NBEA: variants seen among roughly 807,000 people sequenced by gnomAD.
NBEA encodes neurobeachin, also known as lysosomal-trafficking regulator 2.
NBEA carries 44 observed loss-of-function variants against 343.4 expected under a neutral mutation model. That is an observed-to-expected ratio of 0.13 (90% confidence interval 0.10 to 0.16). The LOEUF is 0.16. Among genes scored for constraint, NBEA ranks in the 10% least tolerant of loss-of-function variants. NBEA has a pLI of 1.00. For missense variants in NBEA, 2,555 were observed against 3,631.3 expected (o/e 0.70, Z 7.62); for synonymous variants, 1,175 against 1,238.7 (o/e 0.95, Z 1.08).
chr13:35,184,106 A>T lies in NBEA; in HGVS notation c.4927+35A>T. The T allele has an allele frequency of 2.1e-6, 3 of 1,444,692 alleles. No individual in the cohort carries two copies. In the South Asian group the frequency reaches 3.6e-5, roughly 17 times the overall value. 89.5% of individuals were successfully genotyped at this position (1,444,692 alleles called of 1,614,324 possible). On this transcript the variant is annotated intron_variant, in intron 30 of 58. Transcript: ENST00000379939. ...ACCTCATCTCCTGACCTGTTTGGGTATTCTTATTTCATGAATTGTTTTAAA... is the reference window on the plus strand; with the variant it reads ...ACCTCATCTCCTGACCTGTTTGGGTTTTCTTATTTCATGAATTGTTTTAAA...
chr13:34,991,618 G>A (rs2060751709), intron 1 of NBEA, among the ~76,000 whole-genome samples: 1 of 152,060 alleles, frequency 6.6e-6, no homozygotes, highest in Non-Finnish European at 1.5e-5. Context: ...TTTAGGTGGG[G>A]ACACAGAGAC....
intron 11 of NBEA, among the ~76,000 whole-genome samples, chr13:35,107,287 T>C (rs1236727849): frequency 1.3e-5 from 2 of 151,844 alleles, no homozygotes. Flanking sequence ...CCCCCCCCTT[T>C]ATTAACTCAG....
intron 41 of NBEA, among the ~76,000 whole-genome samples, chr13:35,500,003 C>G (rs1005017074): frequency 6.6e-6 from 1 of 152,088 alleles, no homozygotes; most frequent in Non-Finnish European, 1.5e-5. Flanking sequence ...TACAGCTGCT[C>G]TTCTGCTTTA....
intron 17 of NBEA, among the ~76,000 whole-genome samples, chr13:35,137,505 T>A (rs1010675892): frequency 4.1e-4 from 62 of 151,932 alleles, no homozygotes; most frequent in Non-Finnish European, 6.3e-4. Flanking sequence ...GTTTTAAAAA[T>A]TTTTTTATTG....
intron 38 of NBEA, among the ~76,000 whole-genome samples, chr13:35,377,423 G>A (rs2041803556): frequency 6.6e-6 from 1 of 152,168 alleles, no homozygotes; most frequent in African/African-American, 2.4e-5. Flanking sequence ...TTGGAGATTA[G>A]GGTCTGATGG....
chr13:35,282,865 G>A (rs911541112), intron 34 of NBEA, among the ~76,000 whole-genome samples: 2 of 152,038 alleles, frequency 1.3e-5, no homozygotes, highest in East Asian at 1.9e-4. Context: ...CCTTGAGACC[G>A]AAGACTGTAT....
intron 49 of NBEA, among the ~76,000 whole-genome samples, chr13:35,645,602 G>T (rs570080380): frequency 7.2e-5 from 11 of 151,906 alleles, no homozygotes; most frequent in African/African-American, 2.4e-4. Flanking sequence ...TTTCTTTTTT[G>T]GGTGAGTTCT....
chr13:35,597,122 A>G (rs958215864), intron 47 of NBEA, among the ~76,000 whole-genome samples: 1 of 152,170 alleles, frequency 6.6e-6, no homozygotes, highest in Admixed American at 6.6e-5. Context: ...ACATACTTTC[A>G]GGTCCAATTT....
rs541928054 is a variant in NBEA, at chr13:35,225,221, A to G, written c.5649-7271A>G. 5.1e-4 allele frequency among the ~76,000 whole-genome samples: 77 copies of G among 152,170 alleles called. No homozygotes were observed. The South Asian group carries it at 8.3e-3, about 16-fold the overall frequency. Reference sequence around the variant, plus strand: ...CCATTTTAGTCAAGTGCTGTCCTGGATCTTGAAGGTAGGGCTTTTTCAGTG... The same window carrying G: ...CCATTTTAGTCAAGTGCTGTCCTGGGTCTTGAAGGTAGGGCTTTTTCAGTG... On this transcript the variant is annotated intron_variant, in intron 33 of 58. Coordinates refer to ENST00000379939, the MANE Select transcript of NBEA (RefSeq NM_001385012.1).
At chr13:35,143,091 C>G (rs759855270) in intron 18 of NBEA, among the ~76,000 whole-genome samples, 1 of 151,934 alleles carries the variant, frequency 6.6e-6, no homozygotes. Flanking sequence ...TTGTATGGCT[C>G]TAAGTTAAGG....
chr13:35,018,811 C>G (rs2061738303), intron 1 of NBEA, among the ~76,000 whole-genome samples: 1 of 152,110 alleles, frequency 6.6e-6, no homozygotes, highest in African/African-American at 2.4e-5. Context: ...AACATCTTTG[C>G]TTTATTTATG....
Position 35,182,284 on chromosome 13 carries a change from A to G in NBEA, c.4663-76A>G, listed in dbSNP as rs1944678579. 22 of 1,316,976 alleles carry G rather than the reference A, an allele frequency of 1.7e-5. 1 individual carries two copies. The highest frequency in any genetic ancestry group is 2.2e-5 in the Non-Finnish European group (22 of 984,926). The allele number at this position is 1,316,976 out of a possible 1,614,324, so 81.6% of individuals were successfully genotyped here. On this transcript the variant is annotated intron_variant, in intron 28 of 58. Transcript: ENST00000379939. ...ATTTTGCCTCCATAAAGATAATAAA[A>G]TAGCAGTTTCTAGTGCTTTAAGAAC...
chr13:34,964,519 G>T (rs995436108), intron 1 of NBEA, among the ~76,000 whole-genome samples: 1 of 151,948 alleles, frequency 6.6e-6, no homozygotes, highest in South Asian at 2.1e-4. Context: ...GGTTGCTCAT[G>T]TTCCTTAGTT....
At chr13:35,267,819 G>A (rs2033809302) in intron 34 of NBEA, among the ~76,000 whole-genome samples, 1 of 150,458 alleles carries the variant, frequency 6.6e-6, no homozygotes, top group African/African-American at 2.4e-5. Context: ...CATTAGGATG[G>A]GTACTATTTA....
chr13:35,648,177 ACT>A (rs1484775072), intron 51 of NBEA, among the ~76,000 whole-genome samples: 2 of 136,394 alleles, frequency 1.5e-5, no homozygotes, highest in Non-Finnish European at 3.1e-5. Context: ...GTGTGTTTAA[ACT>A]CTTTTTTTTT....
chr13:35,260,053 T>C (rs2033069900), intron 34 of NBEA, among the ~76,000 whole-genome samples: 1 of 152,236 alleles, frequency 6.6e-6, no homozygotes, highest in African/African-American at 2.4e-5. Flanking sequence ...CTTTAATATC[T>C]GTAACATAGT....
chr13:35,578,551 C>T (rs1248979377), intron 45 of NBEA, among the ~76,000 whole-genome samples: 1 of 152,092 alleles, frequency 6.6e-6, no homozygotes. Flanking sequence ...AAAAGCAGTG[C>T]AGTAGTGTGG....
rs76326022 is a variant in NBEA at position 35,009,856 on chromosome 13, A to T, written c.295-31077A>T. Among the ~76,000 whole-genome samples the T allele has an allele frequency of 6.7e-4, 102 of 152,290 alleles. 1 individual carries two copies. The East Asian group carries it at 0.018, about 26-fold the overall frequency. On this transcript the variant is annotated intron_variant, in intron 1 of 58. Transcript: ENST00000379939. ...GTAGAAAGAACTGACCAGAATTTAG[A>T]TATATTTTGAAGGTACAGACAACCC...
At chr13:35,366,193 G>C (rs1042022624) in intron 38 of NBEA, among the ~76,000 whole-genome samples, 2 of 151,334 alleles carry the variant, frequency 1.3e-5, no homozygotes, top group African/African-American at 4.8e-5. Context: ...TCTCCCTGTG[G>C]GTAGATCAAT....
Sources: gnomAD v4.1 joint callset for allele counts (sites outside exome capture counted in the v4.1 genomes callset) on GRCh38, gnomAD v4.1.1 for gene constraint, MANE v1.5 for transcripts, NCBI Gene and HGNC (gene_info 2026-07-23, HGNC 2026-07-21) for gene names.